RANBP3L: variants seen among roughly 807,000 people sequenced by gnomAD.
RANBP3L encodes RAN binding protein 3 like.
In RANBP3L, 56 loss-of-function variants were observed where a neutral mutation model predicts 67.2. The ratio of observed to expected loss-of-function variants is 0.83; its 90% confidence interval spans 0.67 to 1.04. RANBP3L has a LOEUF of 1.04. Among genes scored for constraint, RANBP3L ranks in the 50% least tolerant of loss-of-function variants. The probability of loss-of-function intolerance (pLI) is 0.00; values close to 1 mark genes in which losing one functional copy is unlikely to be tolerated. For missense variants in RANBP3L, 496 were observed against 535.5 expected (o/e 0.93, Z 0.73); for synonymous variants, 164 against 181.4 (o/e 0.90, Z 0.77).
intron 1 of RANBP3L, among the ~76,000 whole-genome samples, chr5:36,287,900 G>A (rs58319661): frequency 0.033 from 4,998 of 152,228 alleles, 206 homozygotes; most frequent in East Asian, 0.15. Context: ...AGTAGGATAC[G>A]TTATGTTCTT....
chr5:36,266,011 G>A (rs1001509799), intron 4 of RANBP3L, among the ~76,000 whole-genome samples: 2 of 150,656 alleles, frequency 1.3e-5, no homozygotes, highest in African/African-American at 4.9e-5. Flanking sequence ...GATATTGCCG[G>A]ATGCGTCCTG....
chr5:36,249,700 G>A lies in RANBP3L; in HGVS notation c.1355-3C>T. On this transcript the variant is annotated splice_polypyrimidine_tract_variant and splice_region_variant and intron_variant, in intron 13 of 13. Coordinates refer to ENST00000296604, the MANE Select transcript of RANBP3L (RefSeq NM_145000.5). ...TCTGTGAGTCCAACTAGAAGGATCT[G>A]TGATATAAATTTAAAATGTTTTATT... 1 of 1,522,828 alleles carries A rather than the reference G, an allele frequency of 6.6e-7. No homozygotes were observed. The highest frequency in any genetic ancestry group is 9.0e-7 in the Non-Finnish European group (1 of 1,112,084). 94.3% of individuals were successfully genotyped at this position (1,522,828 alleles called of 1,614,324 possible). A position where few individuals can be genotyped will look rare whatever the true frequency, so the allele number is the denominator to read the frequency against.
intron 4 of RANBP3L, among the ~76,000 whole-genome samples, chr5:36,268,765 G>A (rs569626857): frequency 2.0e-5 from 3 of 150,872 alleles, no homozygotes; most frequent in Non-Finnish European, 4.4e-5. Context: ...CTGGAGTGCG[G>A]TGGAGCAATC....
intron 1 of RANBP3L, among the ~76,000 whole-genome samples, chr5:36,278,451 T>G (rs1750752685): frequency 6.6e-6 from 1 of 152,064 alleles, no homozygotes; most frequent in South Asian, 2.1e-4. Context: ...CCCGGGTGAT[T>G]TGTAGACATG....
intron 1 of RANBP3L, among the ~76,000 whole-genome samples, chr5:36,292,991 C>A (rs957501814): frequency 1.5e-5 from 2 of 133,880 alleles, no homozygotes; most frequent in African/African-American, 2.8e-5. Context: ...TTTCCTTGGG[C>A]AGTATGGCCA....
chr5:36,248,898 T>C lies in RANBP3L; in HGVS notation c.*756A>G, dbSNP rs1748423559. ...GCTACATATGATACATTTGTTTTTC[T>C]ATACAGCCCCATCTACTAAAATACT... On this transcript the variant is annotated 3_prime_UTR_variant, in exon 14 of 14. Coordinates refer to ENST00000296604, the MANE Select transcript of RANBP3L (RefSeq NM_145000.5). 1 of 152,176 alleles carries C rather than the reference T, an allele frequency of 6.6e-6. No homozygotes were observed. Among genetic ancestry groups the C allele is most frequent in the Non-Finnish European group, 1.5e-5 (1 of 67,976 alleles). The allele number at this position is 152,176 out of a possible 1,614,324, so 9.4% of individuals were successfully genotyped here.
chr5:36,285,771 T>C (rs937296459), intron 1 of RANBP3L, among the ~76,000 whole-genome samples: 1 of 152,216 alleles, frequency 6.6e-6, no homozygotes, highest in African/African-American at 2.4e-5. Flanking sequence ...TCATCTTTCC[T>C]TCTCAATCAA....
At chr5:36,283,591 T>C (rs939043928) in intron 1 of RANBP3L, among the ~76,000 whole-genome samples, 6 of 151,694 alleles carry the variant, frequency 4.0e-5, no homozygotes, top group Non-Finnish European at 1.5e-5. Context: ...TCTGCCACTT[T>C]ATGTCTCTGC....
intron 4 of RANBP3L, chr5:36,268,098 G>T: frequency 1.3e-6 from 1 of 758,024 alleles, no homozygotes; most frequent in Non-Finnish European, 2.0e-6. Context: ...TAAAGTGTCA[G>T]CATTTTATGA....
At chr5:36,289,789 A>T (rs1751582459) in intron 1 of RANBP3L, among the ~76,000 whole-genome samples, 1 of 151,412 alleles carries the variant, frequency 6.6e-6, no homozygotes, top group Non-Finnish European at 1.5e-5. Context: ...ATTTCTCAGG[A>T]TTTTTCTACA....
chr5:36,292,444 C>T (rs1206048093), intron 1 of RANBP3L, among the ~76,000 whole-genome samples: 5 of 152,204 alleles, frequency 3.3e-5, no homozygotes, highest in Admixed American at 2.6e-4. Flanking sequence ...GTTGCCATTG[C>T]TTTTGGTGTT....
chr5:36,251,638 AAATT>A, intron 12 of RANBP3L, 139 bp from the exon 13 acceptor site: 1 of 515,006 alleles, frequency 1.9e-6, no homozygotes, highest in Non-Finnish European at 3.1e-6. Flanking sequence ...ACAACCCTAA[AAATT>A]AAGCAGTAAA....
At chr5:36,286,677 C>T (rs1024577580) in intron 1 of RANBP3L, among the ~76,000 whole-genome samples, 6 of 152,352 alleles carry the variant, frequency 3.9e-5, no homozygotes, top group African/African-American at 1.4e-4. Flanking sequence ...TTGAGAATCA[C>T]TAACCTAGAT....
At chr5:36,293,959 T>G (rs1752000208) in intron 1 of RANBP3L, among the ~76,000 whole-genome samples, 2 of 151,864 alleles carry the variant, frequency 1.3e-5, no homozygotes, top group Non-Finnish European at 2.9e-5. Flanking sequence ...TTGATTGGAA[T>G]AGTTTCAGAA....
chr5:36,284,297 T>C (rs1348794855), intron 1 of RANBP3L, among the ~76,000 whole-genome samples: 1 of 152,114 alleles, frequency 6.6e-6, no homozygotes, highest in East Asian at 1.9e-4. Flanking sequence ...GGGTGTGAGG[T>C]ATGTGATCAT....
intron 4 of RANBP3L, among the ~76,000 whole-genome samples, chr5:36,267,333 C>T (rs1488598735): frequency 6.6e-6 from 1 of 151,930 alleles, no homozygotes; most frequent in African/African-American, 2.4e-5. Flanking sequence ...ATGGTGAAAC[C>T]CCATCTCTAC....
chr5:36,250,938 A>G (rs996362042), intron 13 of RANBP3L, among the ~76,000 whole-genome samples: 3 of 152,138 alleles, frequency 2.0e-5, no homozygotes, highest in Admixed American at 1.3e-4. Flanking sequence ...TTTTCAGGGT[A>G]TCAAGCCAAG....
intron 1 of RANBP3L, among the ~76,000 whole-genome samples, chr5:36,290,406 G>A (rs1485026994): frequency 6.6e-6 from 1 of 151,362 alleles, no homozygotes; most frequent in African/African-American, 2.4e-5. Context: ...TAGTAGAGAT[G>A]GGGTTTCACC....
At chr5:36,285,527 T>G (rs1330399347) in intron 1 of RANBP3L, among the ~76,000 whole-genome samples, 1 of 152,248 alleles carries the variant, frequency 6.6e-6, no homozygotes, top group Non-Finnish European at 1.5e-5. Context: ...AAGTGCTGTA[T>G]CATTTCTAAC....
Sources: gnomAD v4.1 joint callset for allele counts (sites outside exome capture counted in the v4.1 genomes callset) on GRCh38, gnomAD v4.1.1 for gene constraint, MANE v1.5 for transcripts, NCBI Gene and HGNC (gene_info 2026-07-23, HGNC 2026-07-21) for gene names.